The following SYNGR4 variants were observed in gnomAD, a reference collection of about 807,000 sequenced individuals.
SYNGR4 encodes the protein synaptogyrin-4.
In SYNGR4, 15 loss-of-function variants were observed where a neutral mutation model predicts 15.5. That is an observed-to-expected ratio of 0.97 (90% confidence interval 0.65 to 1.49). SYNGR4 has a LOEUF of 1.49. SYNGR4 is among the 40% of genes most tolerant of loss of function. The pLI is 0.00. For missense variants in SYNGR4, 292 were observed against 299.3 expected (o/e 0.98, Z 0.18); for synonymous variants, 121 against 127.4 (o/e 0.95, Z 0.34).
At position 48,365,864 on chromosome 19, in the gene SYNGR4, C is replaced by T; in HGVS notation, c.22C>T (p.Gln8Ter). 6.2e-7 allele frequency: 1 copy of T among 1,613,892 alleles called. No individual in the cohort carries two copies. The change falls in exon 2 of 5, where the codon CAG becomes TAG. Residue 8 changes from glutamine (Q) to a stop codon, truncating the protein, a stop_gained. Coordinates refer to ENST00000344846, the MANE Select transcript of SYNGR4 (RefSeq NM_012451.4). LOFTEE classifies it high-confidence loss of function. ...TGCCATGCACATCCCCAAAAGCCTCCAGGAGCTGGCCAACAGCGAAGCCGT... is the reference window on the plus strand; with the variant it reads ...TGCCATGCACATCCCCAAAAGCCTCTAGGAGCTGGCCAACAGCGAAGCCGT... MHIPKSL[Q>*]ELANSEAVQF...
At chr19:48,365,265 CCCA>C (rs1970180478) in intron 1 of SYNGR4, among the ~76,000 whole-genome samples, 1 of 65,770 alleles carries the variant, frequency 1.5e-5, no homozygotes, top group Non-Finnish European at 2.9e-5. Context: ...CACACACAAC[CCCA>C]TTCCTGGGAA....
Position 48,375,536 on chromosome 19 carries a change from C to G in SYNGR4, c.332-77C>G, listed in dbSNP as rs1600949401. 85 of 1,544,858 alleles carry G rather than the reference C, an allele frequency of 5.5e-5. No homozygotes were observed. In the East Asian group the frequency reaches 1.9e-3, roughly 35 times the overall value. ...AGTTCGTGCAGCAAGACCACCAGCC[C>G]CATCCTTCCCATGCCTCAGCAGCCC... On this transcript the variant is annotated intron_variant, in intron 3 of 4. Coordinates refer to ENST00000344846, the MANE Select transcript of SYNGR4 (RefSeq NM_012451.4).
rs771079305 is a variant in SYNGR4 at position 48,375,583 on chromosome 19, T to C, written c.332-30T>C. On this transcript the variant is annotated intron_variant, in intron 3 of 4. Transcript: ENST00000344846. ...GCCCTGCCTGAGTGAGCTTTCCCCC[T>C]GCCCCTTTTCTCTCCCTGTGACGCC... 5 of 1,595,498 alleles carry C rather than the reference T, an allele frequency of 3.1e-6. No homozygotes were observed. The Admixed American group carries it at 5.0e-5, about 16-fold the overall frequency.
upstream of SYNGR4, chr19:48,364,304 G>T (rs528889969): frequency 4.6e-5 from 13 of 280,726 alleles, no homozygotes; most frequent in African/African-American, 2.2e-4. Flanking sequence ...GGCGGGACTT[G>T]GGCGCAGCCA....
At chr19:48,374,269 C>T (rs1180651851) in intron 3 of SYNGR4, among the ~76,000 whole-genome samples, 2 of 151,930 alleles carry the variant, frequency 1.3e-5, no homozygotes, top group Admixed American at 6.6e-5. Flanking sequence ...TTAGTAGAGA[C>T]GGGGTTTCAG....
Position 48,373,786 on chromosome 19 carries a change from C to A in SYNGR4, c.331+32C>A, listed in dbSNP as rs763488530. 7 of 1,603,560 alleles carry A rather than the reference C, an allele frequency of 4.4e-6. No individual in the cohort carries two copies. The Admixed American group carries it at 1.0e-4, about 23-fold the overall frequency. ...CCCCAGGACCCCCAACCCAGAGCTG[C>A]CCCTCCTCCCGCTCACAGCCCTCCT... On this transcript the variant is annotated intron_variant, in intron 3 of 4. Transcript: ENST00000344846.
chr19:48,367,129 CAAA>C (rs757577850), intron 2 of SYNGR4, among the ~76,000 whole-genome samples: 3 of 87,064 alleles, frequency 3.4e-5, no homozygotes, highest in African/African-American at 4.4e-5. Context: ...GACTCTGTCT[CAAA>C]AAAAAAAAAA....
chr19:48,373,855 G>A (rs1376417601), intron 3 of SYNGR4, 101 bp downstream of exon 3: 20 of 1,211,198 alleles, frequency 1.7e-5, no homozygotes, highest in Admixed American at 1.0e-4. Context: ...CCACCTAGCC[G>A]GCCTCCACCC....
intron 2 of SYNGR4, among the ~76,000 whole-genome samples, chr19:48,368,693 A>G (rs1340225264): frequency 6.7e-6 from 1 of 150,100 alleles, no homozygotes; most frequent in Non-Finnish European, 1.5e-5. Flanking sequence ...AATAGTGATT[A>G]TTATCAAAAC....
At position 48,365,725 on chromosome 19, in the gene SYNGR4, T is replaced by G; in HGVS notation, c.-107-11T>G. On this transcript the variant is annotated splice_polypyrimidine_tract_variant and intron_variant, in intron 1 of 4. Coordinates refer to ENST00000344846, the MANE Select transcript of SYNGR4 (RefSeq NM_012451.4). The stretch of plus-strand genomic sequence containing the variant: ...CCCTGACTGGCATCCCCCATCTGTG[T>G]CATCCCACAGCAGCCAAGCCCAGGG... 2.2e-6 allele frequency: 2 copies of G among 923,976 alleles called. No homozygotes were observed. Among genetic ancestry groups the G allele is most frequent in the Non-Finnish European group, 3.1e-6 (2 of 640,770 alleles). The allele number at this position is 923,976 out of a possible 1,614,324, so 57.2% of individuals were successfully genotyped here.
chr19:48,364,642 C>G (rs1970160443), intron 1 of SYNGR4, 105 bp downstream of exon 1: 1 of 152,120 alleles, frequency 6.6e-6, no homozygotes, highest in South Asian at 2.0e-4. Flanking sequence ...GAGCTGAATT[C>G]GAAAGGGAGG....
intron 3 of SYNGR4, among the ~76,000 whole-genome samples, chr19:48,374,053 T>C (rs959561515): frequency 6.6e-6 from 1 of 150,654 alleles, no homozygotes; most frequent in Non-Finnish European, 1.5e-5. Flanking sequence ...TGCATTTGCT[T>C]CCCTCATTTA....
intron 2 of SYNGR4, among the ~76,000 whole-genome samples, chr19:48,371,891 T>G: frequency 6.6e-6 from 1 of 151,202 alleles, no homozygotes; most frequent in East Asian, 2.0e-4. Flanking sequence ...TTTTGTTTGT[T>G]TGTTTTGAGA....
At chr19:48,372,042 G>A (rs774998890) in intron 2 of SYNGR4, among the ~76,000 whole-genome samples, 1 of 151,008 alleles carries the variant, frequency 6.6e-6, no homozygotes, top group Non-Finnish European at 1.5e-5. Flanking sequence ...ACCACACCCA[G>A]CTATTTTTGT....
At chr19:48,373,491 C>G (rs369745049) in intron 2 of SYNGR4, 26 bp from the exon 3 acceptor site, 1 of 1,599,512 alleles carries the variant, frequency 6.3e-7, no homozygotes, top group Non-Finnish European at 8.6e-7. Context: ...AGACTGAGCT[C>G]TTCTCTGGCC....
intron 1 of SYNGR4, 56 bp from the exon 2 acceptor site, chr19:48,365,680 A>C: frequency 3.8e-6 from 1 of 261,794 alleles, no homozygotes; most frequent in Non-Finnish European, 6.6e-6. Context: ...GGGGCCCCCA[A>C]CAGCCCTTCC....
At position 48,365,762 on chromosome 19, in the gene SYNGR4, C is replaced by A. The variant is rs572576969; in HGVS notation, c.-81C>A. On this transcript the variant is annotated 5_prime_UTR_variant, in exon 2 of 5. Coordinates refer to ENST00000344846, the MANE Select transcript of SYNGR4 (RefSeq NM_012451.4). ...AGCCAAGCCCAGGGCTGGCCTGAAG[C>A]CCCCGGACGGCAGTGCCCAGCAGGC... 4 of 1,472,956 alleles carry A rather than the reference C, an allele frequency of 2.7e-6. No homozygotes were observed. In the Admixed American group the frequency reaches 6.8e-5, roughly 25 times the overall value. The allele number at this position is 1,472,956 out of a possible 1,614,324, so 91.2% of individuals were successfully genotyped here.
At chr19:48,369,463 C>T (rs1970272331) in intron 2 of SYNGR4, among the ~76,000 whole-genome samples, 1 of 152,132 alleles carries the variant, frequency 6.6e-6, no homozygotes, top group South Asian at 2.1e-4. Flanking sequence ...ACTTACTGAC[C>T]TTGAGAGGAC....
Position 48,373,842 on chromosome 19 carries a change from T to TCACC in SYNGR4, c.331+89_331+92dup, listed in dbSNP as rs905249641. ...CCCAGGGCCTCCCGGGCACAACCCT[T>TCACC]CACCACCTAGCCGGCCTCCACCCTG... is the stretch of plus-strand genomic sequence containing the variant. On this transcript the variant is annotated intron_variant, in intron 3 of 4. Coordinates refer to ENST00000344846, the MANE Select transcript of SYNGR4 (RefSeq NM_012451.4). 29 of 1,358,464 alleles carry TCACC rather than the reference T, an allele frequency of 2.1e-5. No individual in the cohort carries two copies. The African/African-American group carries it at 3.7e-4, about 17-fold the overall frequency. The allele number at this position is 1,358,464 out of a possible 1,614,324, so 84.2% of individuals were successfully genotyped here.
Sources: allele counts gnomAD v4.1 joint callset (sites outside exome capture counted in the v4.1 genomes callset), GRCh38; gene constraint gnomAD v4.1.1; transcripts MANE v1.5; gene names NCBI Gene and HGNC (gene_info 2026-07-23, HGNC 2026-07-21).